Variants in ZNF442 observed in about 807,000 individuals in gnomAD.
The protein encoded by ZNF442 is zinc finger protein 442.
Under a neutral mutation model 57.0 loss-of-function variants are expected in ZNF442, and 45 were observed. The observed-to-expected ratio is 0.79, with a 90% CI of 0.62 to 1.01. ZNF442 has a LOEUF of 1.01. Ranked by LOEUF, ZNF442 falls within the 50% of genes least tolerant of loss-of-function variation. ZNF442 has a pLI of 0.00. For missense variants in ZNF442, 690 were observed against 756.5 expected (o/e 0.91, Z 1.03); for synonymous variants, 213 against 241.8 (o/e 0.88, Z 1.10).
chr19:12,368,088 C>A (rs2144854864), upstream of ZNF442, among the ~76,000 whole-genome samples: 1 of 152,298 alleles, frequency 6.6e-6, no homozygotes, highest in Admixed American at 6.5e-5. Context: ...CCCAACCCCA[C>A]AGGCAGTCAG....
chr19:12,357,946 G>A (rs1037787386), intron 3 of ZNF442, among the ~76,000 whole-genome samples: 51 of 151,322 alleles, frequency 3.4e-4, no homozygotes, highest in African/African-American at 1.2e-3. Flanking sequence ...TTACACGTGG[G>A]AGGTATATTT....
upstream of ZNF442, chr19:12,365,729 G>A: frequency 5.1e-6 from 1 of 197,778 alleles, no homozygotes; most frequent in Non-Finnish European, 1.0e-5. Flanking sequence ...CCAAGAACTC[G>A]CCCCCAACAC....
chr19:12,351,070 T>C lies in ZNF442; in HGVS notation c.515A>G (p.Glu172Gly), dbSNP rs749453596. ...FNYHHSFQTQ[E>G]RPHTGKKRYD... ...GCGTTTCTTTCCAGTGTGAGGTCTTTCCTGTGTTTGAAAGGAGTGGTGATA... is the reference window on the plus strand; with the variant it reads ...GCGTTTCTTTCCAGTGTGAGGTCTTCCCTGTGTTTGAAAGGAGTGGTGATA... Residue 172 changes from glutamate to glycine, a missense_variant, in exon 6 of 6, where the codon GAA becomes GGA. By Grantham distance (98) the Glu-to-Gly change is moderately conservative (BLOSUM62 -2). Coordinates refer to ENST00000242804, the MANE Select transcript of ZNF442 (RefSeq NM_030824.3). 2.0e-5 allele frequency: 32 copies of C among 1,614,070 alleles called. No individual in the cohort carries two copies. Among genetic ancestry groups the C allele is most frequent in the Non-Finnish European group, 2.4e-5 (28 of 1,180,030 alleles).
rs773519571 is a variant in ZNF442, at chr19:12,346,300, G to C, written c.*3401C>G. 1.1e-4 allele frequency: 16 copies of C among 151,820 alleles called. No individual in the cohort carries two copies. The highest frequency in any genetic ancestry group is 1.9e-4 in the Non-Finnish European group (13 of 67,978). 9.4% of individuals were successfully genotyped at this position (151,820 alleles called of 1,614,324 possible). On this transcript the variant is annotated 3_prime_UTR_variant, in exon 6 of 6. Coordinates refer to ENST00000242804, the MANE Select transcript of ZNF442 (RefSeq NM_030824.3). The stretch of plus-strand genomic sequence containing the variant: ...TGAGCAAAGGATTTTAAAACAAACT[G>C]GTTCAAAAAATATATAAACAACCAA...
At position 12,349,574 on chromosome 19, in the gene ZNF442, G is replaced by A. The variant is rs1969179196; in HGVS notation, c.*127C>T. ...GAACCAATCCCCTGCATATGGTTAG[G>A]GGATAACCATATTCAAAAGAAACAT... On this transcript the variant is annotated 3_prime_UTR_variant, in exon 6 of 6. Transcript: ENST00000242804. 4.2e-6 allele frequency: 4 copies of A among 951,934 alleles called. No individual in the cohort carries two copies. The highest frequency in any genetic ancestry group is 1.8e-5 in the South Asian group (1 of 56,070). 59.0% of individuals were successfully genotyped at this position (951,934 alleles called of 1,614,324 possible).
At chr19:12,367,095 C>T (rs144484649), upstream of ZNF442, among the ~76,000 whole-genome samples, 262 of 152,314 alleles carry the variant, frequency 1.7e-3, no homozygotes, top group African/African-American at 5.9e-3. Flanking sequence ...AGAACCCACA[C>T]CCAGCTGAAG....
At chr19:12,351,531 G>A (rs1969238506) in intron 5 of ZNF442, among the ~76,000 whole-genome samples, 1 of 151,990 alleles carries the variant, frequency 6.6e-6, no homozygotes. Flanking sequence ...TTTTGAGATG[G>A]AGTCTCGCTC....
intron 3 of ZNF442, among the ~76,000 whole-genome samples, chr19:12,357,408 A>G (rs1372564035): frequency 1.4e-5 from 2 of 138,450 alleles, no homozygotes; most frequent in South Asian, 4.4e-4. Context: ...CTGGAGCGCA[A>G]TGGTGCAATC....
chr19:12,351,340 T>C (rs777246702), intron 5 of ZNF442, 22 bp from the exon 6 acceptor site: 4 of 1,573,840 alleles, frequency 2.5e-6, no homozygotes, highest in East Asian at 2.2e-5. Context: ...GAGAAGTATA[T>C]TAATAAAGGT....
chr19:12,350,675 C>T lies in ZNF442; in HGVS notation c.910G>A (p.Val304Ile). ...TCATGTATTCGAAGGGAACTGGAAA[C>T]ACTGAAGGCTCTTCCACATCGTTTA... ...KCKRCGRAFS[V>I]SSSLRIHERT... Residue 304 changes from valine to isoleucine, a missense_variant, in exon 6 of 6, where the codon GTT (valine) becomes ATT (isoleucine). By Grantham distance (29) the Val-to-Ile change is conservative. Coordinates refer to ENST00000242804, the MANE Select transcript of ZNF442 (RefSeq NM_030824.3). 2 of 1,613,206 alleles carry T rather than the reference C, an allele frequency of 1.2e-6. No individual in the cohort carries two copies. Among genetic ancestry groups the T allele is most frequent in the Non-Finnish European group, 1.7e-6 (2 of 1,179,836 alleles).
At chr19:12,373,638 C>CCAGCATGGTCTGA in the ZNF442 span, 2 of 286,590 alleles carry the variant, frequency 7.0e-6, no homozygotes, top group Admixed American at 6.6e-5. Context: ...TCTGTTCAAA[C>CCAGCATGGTCTGA]CAGCATGGTC....
intron 3 of ZNF442, among the ~76,000 whole-genome samples, chr19:12,358,453 G>A (rs752602807): frequency 1.3e-5 from 2 of 152,108 alleles, no homozygotes; most frequent in African/African-American, 2.4e-5. Context: ...CACTTAGGTC[G>A]ATTCCCTTAT....
In ZNF442 at chr19:12,350,990, G is replaced by A; in HGVS notation, c.595C>T (p.His199Tyr). 6.2e-7 allele frequency: 1 copy of A among 1,614,050 alleles called. No individual in the cohort carries two copies. The highest frequency in any genetic ancestry group is 1.7e-5 in the Admixed American group (1 of 60,010). ...CCACCTCCACGTTGTACTATTATGT[G>A]TCTTCGAAGGTTTCCCGAAGAACTG... ...TFSSSGNLRR[H>Y]IIVQRGGGPY... The change falls in exon 6 of 6, where the codon CAC becomes TAC. Residue 199 changes from histidine to tyrosine, a missense_variant. Physicochemically the swap from His to Tyr is moderately conservative, Grantham distance 83. Coordinates refer to ENST00000242804, the MANE Select transcript of ZNF442 (RefSeq NM_030824.3).
At position 12,349,894 on chromosome 19, in the gene ZNF442, C is replaced by A. The variant is rs781524841; in HGVS notation, c.1691G>T (p.Arg564Ile). 7.4e-6 allele frequency: 12 copies of A among 1,613,942 alleles called. No homozygotes were observed. The highest frequency in any genetic ancestry group is 2.7e-5 in the African/African-American group (2 of 74,888). The change falls in exon 6 of 6, where the codon AGA becomes ATA. Residue 564 changes from arginine (R) to isoleucine (I), a missense_variant. Transcript: ENST00000242804. ...ATAAGATTTCTTTCCAGTGTGAATTCTTTCATGTCGCAGAAGGCAAGTGAG... is the reference window on the plus strand; with the variant it reads ...ATAAGATTTCTTTCCAGTGTGAATTATTTCATGTCGCAGAAGGCAAGTGAG... ...SWLTCLLRHE[R>I]IHTGKKSYEC... is the part of the protein sequence containing the mutation.
chr19:12,354,186 G>A (rs562960598), intron 3 of ZNF442, among the ~76,000 whole-genome samples: 2 of 152,258 alleles, frequency 1.3e-5, no homozygotes, highest in East Asian at 3.9e-4. Context: ...ATTGCAACAT[G>A]TTACTTGGGG....
At chr19:12,370,692 C>T (rs903680307), upstream of ZNF442, among the ~76,000 whole-genome samples, 3 of 151,924 alleles carry the variant, frequency 2.0e-5, no homozygotes, top group African/African-American at 4.8e-5. Context: ...AAATAATTAG[C>T]GGCTGGGCAT....
chr19:12,348,201 G>A lies in ZNF442; in HGVS notation c.*1500C>T, dbSNP rs1969156788. 1 of 152,106 alleles carries A rather than the reference G, an allele frequency of 6.6e-6. No homozygotes were observed. The highest frequency in any genetic ancestry group is 2.4e-5 in the African/African-American group (1 of 41,398). 9.4% of individuals were successfully genotyped at this position (152,106 alleles called of 1,614,324 possible). ...CTCTACTAAAAATAAAAATTAGCCA[G>A]GCATGGTGGCGAGTGCCTGTAATCC... On this transcript the variant is annotated 3_prime_UTR_variant, in exon 6 of 6. Coordinates refer to ENST00000242804, the MANE Select transcript of ZNF442 (RefSeq NM_030824.3).
chr19:12,369,794 T>A (rs1482488756), upstream of ZNF442, among the ~76,000 whole-genome samples: 1 of 151,568 alleles, frequency 6.6e-6, no homozygotes, highest in Non-Finnish European at 1.5e-5. Context: ...TAATCCCAGC[T>A]ACTCAGGAGG....
At chr19:12,366,914 C>T (rs139539765), upstream of ZNF442, among the ~76,000 whole-genome samples, 2,690 of 152,328 alleles carry the variant, frequency 0.018, 30 homozygotes, top group Non-Finnish European at 0.026. Flanking sequence ...GGATTACAGG[C>T]GTGAGCCACC....
Sources: gnomAD v4.1 joint callset for allele counts (sites outside exome capture counted in the v4.1 genomes callset) on GRCh38, gnomAD v4.1.1 for gene constraint, MANE v1.5 for transcripts, NCBI Gene and HGNC (gene_info 2026-07-23, HGNC 2026-07-21) for gene names.